SRRM3: variants seen among roughly 807,000 people sequenced by gnomAD.
SRRM3 encodes the protein serine/arginine repetitive matrix 3.
In SRRM3, 27 loss-of-function variants were observed where a neutral mutation model predicts 66.2. That is an observed-to-expected ratio of 0.41 (90% CI 0.30 to 0.56). SRRM3 has a LOEUF of 0.56. Ranked by LOEUF, SRRM3 falls within the 20% of genes least tolerant of loss-of-function variation. The pLI, the probability that SRRM3 is intolerant of heterozygous loss-of-function variation, is 0.32. For synonymous variants in SRRM3, 391 were observed against 414.9 expected (o/e 0.94, Z 0.70); for missense variants, 918 against 991.9 (o/e 0.93, Z 1.00).
At chr7:76,236,305 G>A (rs1167708801) in intron 2 of SRRM3, among the ~76,000 whole-genome samples, 5 of 127,240 alleles carry the variant, frequency 3.9e-5, no homozygotes, top group South Asian at 2.4e-4. Flanking sequence ...GCAAAACTCC[G>A]TCTCAAAAAA....
intron 1 of SRRM3, among the ~76,000 whole-genome samples, chr7:76,224,467 T>C (rs868978788): frequency 2.2e-5 from 3 of 139,194 alleles, no homozygotes; most frequent in African/African-American, 8.2e-5. Flanking sequence ...AGAGCCTCCC[T>C]GGTCTCTTTT....
rs557214296 is a variant in SRRM3 at position 76,253,416 on chromosome 7, T to A, written c.335+5127T>A. 1.7e-4 allele frequency among the ~76,000 whole-genome samples: 25 copies of A among 151,054 alleles called. No individual in the cohort carries two copies. The East Asian group carries it at 5.0e-3, about 30-fold the overall frequency. On this transcript the variant is annotated intron_variant, in intron 3 of 14. Transcript: ENST00000611745. The stretch of plus-strand genomic sequence containing the variant: ...GCAGGTGGATCATGAGGTCAGGAGT[T>A]CGAGACCATCCTGGCTAACACGGTG...
Position 76,209,913 on chromosome 7 carries a change from G to A in SRRM3, c.-40+7846G>A, listed in dbSNP as rs535786579. Among the ~76,000 whole-genome samples the A allele has an allele frequency of 4.6e-5, 7 of 152,274 alleles. No homozygotes were observed. In the East Asian group the frequency reaches 1.4e-3, roughly 29 times the overall value. On this transcript the variant is annotated intron_variant, in intron 1 of 14. Coordinates refer to ENST00000611745, the MANE Select transcript of SRRM3 (RefSeq NM_001110199.3). ...GAGCCGCTGCACCCAGTCAAGAGCTGGAAATTTATTCAGAAAGCAATGACA... is the reference window on the plus strand; with the variant it reads ...GAGCCGCTGCACCCAGTCAAGAGCTAGAAATTTATTCAGAAAGCAATGACA...
In SRRM3 at chr7:76,248,087, C is replaced by G. The variant is rs1227308920; in HGVS notation, c.234-101C>G. The G allele has an allele frequency of 3.5e-6, 3 of 862,992 alleles. No individual in the cohort carries two copies. In the African/African-American group the frequency reaches 5.0e-5, roughly 14 times the overall value. 53.5% of individuals were successfully genotyped at this position (862,992 alleles called of 1,614,324 possible). On this transcript the variant is annotated intron_variant, in intron 2 of 14. Transcript: ENST00000611745. ...AGGTTATTGCAAGCCGGAGTGTGCA[C>G]TTGTGACCCAGGGGTTGGCGGGGCT...
At chr7:76,230,909 C>G (rs533846881) in intron 1 of SRRM3, among the ~76,000 whole-genome samples, 1 of 152,006 alleles carries the variant, frequency 6.6e-6, no homozygotes, top group Admixed American at 6.6e-5. Context: ...CACCATCATG[C>G]CTGGCTAATT....
At position 76,281,786 on chromosome 7, in the gene SRRM3, G is replaced by A; in HGVS notation, c.1354G>A (p.Gly452Ser). 3 of 1,380,446 alleles carry A rather than the reference G, an allele frequency of 2.2e-6. No individual in the cohort carries two copies. The highest frequency in any genetic ancestry group is 1.5e-5 in the African/African-American group (1 of 65,534). 85.5% of individuals were successfully genotyped at this position (1,380,446 alleles called of 1,614,324 possible). A position where few individuals can be genotyped will look rare whatever the true frequency, so the allele number is the denominator to read the frequency against. The change falls in exon 12 of 15, where the codon GGC becomes AGC. Residue 452 changes from glycine to serine, a missense_variant. Coordinates refer to ENST00000611745, the MANE Select transcript of SRRM3 (RefSeq NM_001110199.3). ...GPEPGSERGH[G>S]GHGKRAKERP... Reference sequence around the variant, plus strand: ...CGAGCCCGGCTCTGAGCGAGGCCACGGCGGACACGGGAAACGGTGAGCGTG... The same window carrying A: ...CGAGCCCGGCTCTGAGCGAGGCCACAGCGGACACGGGAAACGGTGAGCGTG...
At position 76,282,720 on chromosome 7, in the gene SRRM3, C is replaced by G; in HGVS notation, c.1443C>G (p.Gly481=). 1 of 1,428,058 alleles carries G rather than the reference C, an allele frequency of 7.0e-7. No individual in the cohort carries two copies. The allele number at this position is 1,428,058 out of a possible 1,614,324, so 88.5% of individuals were successfully genotyped here. A position where few individuals can be genotyped will look rare whatever the true frequency, so the allele number is the denominator to read the frequency against. The part of the protein sequence containing the change: ...SPSPGAHGRR[G]GPEGKSSSRS... ...CCCCGGGCGCGCACGGCCGGCGCGG[C>G]GGCCCAGAAGGGAAGAGCTCGTCGC... Residue 481 remains glycine (G), a synonymous_variant, in exon 13 of 15, where the codon GGC becomes GGG. Coordinates refer to ENST00000611745, the MANE Select transcript of SRRM3 (RefSeq NM_001110199.3).
intron 2 of SRRM3, among the ~76,000 whole-genome samples, chr7:76,244,345 T>C (rs1443005761): frequency 6.6e-6 from 1 of 151,850 alleles, no homozygotes; most frequent in African/African-American, 2.4e-5. Context: ...GCCAACATGG[T>C]GAAACCCCAT....
At chr7:76,250,093 G>T (rs540045843) in intron 3 of SRRM3, among the ~76,000 whole-genome samples, 1 of 152,030 alleles carries the variant, frequency 6.6e-6, no homozygotes, top group African/African-American at 2.4e-5. Flanking sequence ...GCCCAGGCTG[G>T]AGTGCAGTGG....
At chr7:76,263,553 G>T (rs1305402305) in intron 8 of SRRM3, among the ~76,000 whole-genome samples, 1 of 152,154 alleles carries the variant, frequency 6.6e-6, no homozygotes, top group African/African-American at 2.4e-5. Context: ...TGGATCCAGA[G>T]ATGTCATTCA....
At chr7:76,208,871 AAGGAAGGG>A (rs1324411679) in intron 1 of SRRM3, among the ~76,000 whole-genome samples, 50 of 145,296 alleles carry the variant, frequency 3.4e-4, no homozygotes, top group Middle Eastern at 3.4e-3. Flanking sequence ...AGAAGAAAGG[AAGGAAGGG>A]AGGAAGGGAG....
chr7:76,206,044 G>A (rs1206401725), intron 1 of SRRM3, among the ~76,000 whole-genome samples: 1 of 152,156 alleles, frequency 6.6e-6, no homozygotes, highest in Admixed American at 6.6e-5. Flanking sequence ...GGCTCAATCT[G>A]TTGCTCAGGC....
intron 1 of SRRM3, among the ~76,000 whole-genome samples, chr7:76,217,476 A>G (rs1251695215): frequency 6.6e-6 from 1 of 152,048 alleles, no homozygotes; most frequent in East Asian, 1.9e-4. Flanking sequence ...GTAGAGACTG[A>G]GTTTCCCCAT....
At position 76,206,370 on chromosome 7, in the gene SRRM3, GGAGA is replaced by G. The variant is rs151338474; in HGVS notation, c.-40+4319_-40+4322del. Among the ~76,000 whole-genome samples, 122 of 150,126 alleles carry G rather than the reference GGAGA, an allele frequency of 8.1e-4. 3 individuals are homozygous for G. In the East Asian group the frequency reaches 0.019, roughly 23 times the overall value. Reference sequence around the variant, plus strand: ...TGGGTTCAGAGAGGAGAAAGGGATTGGAGAGAGAGAGAGAGAGAGCAGGAGGAGT... The same window carrying G: ...TGGGTTCAGAGAGGAGAAAGGGATTGGAGAGAGAGAGAGAGCAGGAGGAGT... On this transcript the variant is annotated intron_variant, in intron 1 of 14. Transcript: ENST00000611745.
chr7:76,268,356 G>A (rs1339484265), intron 11 of SRRM3: 2 of 151,042 alleles, frequency 1.3e-5, no homozygotes, highest in Non-Finnish European at 3.0e-5. Flanking sequence ...CCCTCAGAGA[G>A]AGGGGGCTGC....
chr7:76,221,727 G>A (rs1482726523), intron 1 of SRRM3, among the ~76,000 whole-genome samples: 4 of 152,182 alleles, frequency 2.6e-5, no homozygotes, highest in African/African-American at 9.7e-5. Flanking sequence ...TCTGTGAAAA[G>A]TACCATGATT....
chr7:76,226,565 GTTAT>G (rs201770924), intron 1 of SRRM3, among the ~76,000 whole-genome samples: 12,724 of 148,250 alleles, frequency 0.086, 1,075 homozygotes, highest in African/African-American at 0.22. Context: ...AAGGTCTGGT[GTTAT>G]TTATTTATTT....
chr7:76,203,122 C>T (rs1177771301), intron 1 of SRRM3, among the ~76,000 whole-genome samples: 8 of 152,186 alleles, frequency 5.3e-5, no homozygotes, highest in African/African-American at 1.9e-4. Context: ...CCAGTTTGTG[C>T]CAGCTTCTTC....
At chr7:76,236,754 A>G (rs2117001359) in intron 2 of SRRM3, among the ~76,000 whole-genome samples, 1 of 152,326 alleles carries the variant, frequency 6.6e-6, no homozygotes, top group African/African-American at 2.4e-5. Context: ...AGGACCAGGT[A>G]GCGGGGAGGA....
Sources: gnomAD v4.1 joint callset for allele counts (sites outside exome capture counted in the v4.1 genomes callset) on GRCh38, gnomAD v4.1.1 for gene constraint, MANE v1.5 for transcripts, NCBI Gene and HGNC (gene_info 2026-07-23, HGNC 2026-07-21) for gene names.